SNX13: variants seen among roughly 807,000 people sequenced by gnomAD.
SNX13 encodes the protein sorting nexin-13.
A neutral mutation model predicts 133.6 loss-of-function variants in SNX13; 45 were observed. That is an observed-to-expected ratio of 0.34 (90% CI 0.27 to 0.43). SNX13 has a LOEUF of 0.43. Ranked by LOEUF, SNX13 falls within the 20% of genes least tolerant of loss-of-function variation. The pLI is 1.00. For synonymous variants in SNX13, 414 were observed against 373.9 expected, an observed-to-expected ratio of 1.11 and a Z score of -1.24; for missense variants, 1,032 against 1,145.1, an observed-to-expected ratio of 0.90 and a Z score of 1.43.
chr7:17,936,782 T>C (rs924438100), intron 1 of SNX13, among the ~76,000 whole-genome samples: 1 of 145,364 alleles, frequency 6.9e-6, no homozygotes, highest in Non-Finnish European at 1.5e-5. Context: ...TAAACAAACA[T>C]CCCATGCTCT....
intron 15 of SNX13, among the ~76,000 whole-genome samples, chr7:17,833,465 T>G (rs964191824): frequency 6.6e-6 from 1 of 151,684 alleles, no homozygotes; most frequent in African/African-American, 2.4e-5. Flanking sequence ...AGTGATAGAA[T>G]GGGAGTAAAA....
At chr7:17,905,462 T>C (rs1014832684) in intron 1 of SNX13, among the ~76,000 whole-genome samples, 1 of 152,200 alleles carries the variant, frequency 6.6e-6, no homozygotes, top group Non-Finnish European at 1.5e-5. Context: ...ACAGAAAAGA[T>C]AATGCCTTTA....
intron 17 of SNX13, among the ~76,000 whole-genome samples, chr7:17,823,720 C>T (rs1411731243): frequency 6.6e-6 from 1 of 152,128 alleles, no homozygotes; most frequent in Non-Finnish European, 1.5e-5. Context: ...CAGCACAACA[C>T]GTTTTAATCA....
At chr7:17,877,045 GA>G (rs57618763) in intron 5 of SNX13, among the ~76,000 whole-genome samples, 480 of 60,024 alleles carry the variant, frequency 8.0e-3, no homozygotes, top group African/African-American at 0.018. Context: ...GTTACTTTTT[GA>G]AAAAAAAAAA....
At chr7:17,893,971 A>AG (rs1796929779) in intron 2 of SNX13, among the ~76,000 whole-genome samples, 1 of 40,472 alleles carries the variant, frequency 2.5e-5, no homozygotes, top group South Asian at 2.0e-3. Flanking sequence ...GACTGTCTCG[A>AG]AAAAAAAAAA....
intron 13 of SNX13, among the ~76,000 whole-genome samples, chr7:17,839,083 G>C (rs1020076820): frequency 6.7e-6 from 1 of 149,370 alleles, no homozygotes; most frequent in Non-Finnish European, 1.5e-5. Flanking sequence ...TATGCTATAA[G>C]TTCTAAAGCA....
At chr7:17,829,966 T>C (rs753996426) in intron 16 of SNX13, 44 bp downstream of exon 16, 3 of 1,376,028 alleles carry the variant, frequency 2.2e-6, no homozygotes, top group South Asian at 2.8e-5. Flanking sequence ...GCCTTTTACA[T>C]TATTTTCAAG....
chr7:17,899,449 T>G lies in SNX13; in HGVS notation c.13-2003A>C, dbSNP rs1261289983. The G allele has an allele frequency of 5.3e-5, 8 of 152,092 alleles. No individual in the cohort carries two copies. In the South Asian group the frequency reaches 8.3e-4, roughly 16 times the overall value. The allele number at this position is 152,092 out of a possible 1,614,324, so 9.4% of individuals were successfully genotyped here. ...TCTTTAAGGACAATAACTCTTAAAT[T>G]TGCCCTTTTGAGGCTATTTTCTAGA... On this transcript the variant is annotated intron_variant, in intron 1 of 25. Transcript: ENST00000428135.
At chr7:17,872,232 T>G (rs1405564371) in intron 8 of SNX13, among the ~76,000 whole-genome samples, 4 of 151,972 alleles carry the variant, frequency 2.6e-5, no homozygotes, top group Non-Finnish European at 5.9e-5. Context: ...AGAAGAGAAG[T>G]TAAGGAGTAT....
At chr7:17,865,106 AGTTTTTC>A (rs1374990438) in intron 9 of SNX13, among the ~76,000 whole-genome samples, 1 of 152,230 alleles carries the variant, frequency 6.6e-6, no homozygotes, top group Non-Finnish European at 1.5e-5. Flanking sequence ...TCCTAAAGGG[AGTTTTTC>A]AATCTGAAAG....
intron 5 of SNX13, 196 bp downstream of exon 5, chr7:17,890,167 T>A: frequency 2.3e-6 from 1 of 430,158 alleles, no homozygotes; most frequent in Non-Finnish European, 4.0e-6. Context: ...AATAACATTC[T>A]GTAAAAACCT....
At chr7:17,897,164 A>G (rs1417154613) in intron 2 of SNX13, among the ~76,000 whole-genome samples, 170 bp downstream of exon 2, 3 of 152,102 alleles carry the variant, frequency 2.0e-5, no homozygotes, top group African/African-American at 7.2e-5. Context: ...ACAAATAATG[A>G]CAATCACTGT....
At chr7:17,841,803 T>C (rs529026786) in intron 12 of SNX13, among the ~76,000 whole-genome samples, 2 of 151,760 alleles carry the variant, frequency 1.3e-5, no homozygotes, top group African/African-American at 2.4e-5. Flanking sequence ...GAAAGATCAA[T>C]AGAGACAGAA....
At chr7:17,837,538 C>G (rs1258461239) in intron 13 of SNX13, among the ~76,000 whole-genome samples, 1 of 151,758 alleles carries the variant, frequency 6.6e-6, no homozygotes, top group African/African-American at 2.4e-5. Context: ...TTTCGGTGCT[C>G]CAAAAAAAGT....
intron 12 of SNX13, among the ~76,000 whole-genome samples, chr7:17,844,929 T>A (rs1790312195): frequency 6.6e-6 from 1 of 152,022 alleles, no homozygotes; most frequent in African/African-American, 2.4e-5. Context: ...AATCCCACAG[T>A]GAATAATATA....
At chr7:17,916,800 C>CT (rs1204088775) in intron 1 of SNX13, among the ~76,000 whole-genome samples, 1 of 152,116 alleles carries the variant, frequency 6.6e-6, no homozygotes, top group Non-Finnish European at 1.5e-5. Flanking sequence ...GGATTCCTCC[C>CT]TAACTCATTC....
chr7:17,831,324 G>A (rs768217248), intron 15 of SNX13: 6 of 912,556 alleles, frequency 6.6e-6, no homozygotes, highest in Non-Finnish European at 7.9e-6. Context: ...AATTTAAAAA[G>A]GAAAGCATAA....
chr7:17,897,385 C>T lies in SNX13; in HGVS notation c.74G>A (p.Gly25Glu). 1 of 1,604,918 alleles carries T rather than the reference C, an allele frequency of 6.2e-7. No individual in the cohort carries two copies. The highest frequency in any genetic ancestry group is 8.5e-7 in the Non-Finnish European group (1 of 1,175,152). Residue 25 changes from glycine (G) to glutamate (E), a missense_variant, in exon 2 of 26, where the codon GGA becomes GAA. Transcript: ENST00000428135. ...TGTCAAATAAAATATTACAAAGGGT[C>T]CAAAGGTTATCAGAAAAAGGACAAT... ...LGIVLFLITF[G>E]PFVIFYLTFY...
intron 22 of SNX13, 98 bp from the exon 23 acceptor site, chr7:17,799,252 C>G: frequency 9.7e-7 from 1 of 1,029,548 alleles, no homozygotes; most frequent in East Asian, 2.8e-5. Context: ...TTTCACAAGT[C>G]AGAGAACAAG....
Sources: allele counts gnomAD v4.1 joint callset (sites outside exome capture counted in the v4.1 genomes callset), GRCh38; gene constraint gnomAD v4.1.1; transcripts MANE v1.5; gene names NCBI Gene and HGNC (gene_info 2026-07-23, HGNC 2026-07-21).